TSPAN33: variants seen among roughly 807,000 people sequenced by gnomAD.
TSPAN33 encodes tetraspanin 33.
TSPAN33 carries 27 observed loss-of-function variants against 34.8 expected under a neutral mutation model. The observed-to-expected ratio is 0.78, with a 90% CI of 0.57 to 1.07. TSPAN33 has a LOEUF of 1.07. Among genes scored for constraint, TSPAN33 ranks in the 50% least tolerant of loss-of-function variants. The pLI is 0.00. For missense variants in TSPAN33, 272 were observed against 324.9 expected (o/e 0.84, Z 1.25); for synonymous variants, 119 against 124.2 (o/e 0.96, Z 0.28).
At chr7:129,159,294 C>T (rs143020118) in intron 1 of TSPAN33, among the ~76,000 whole-genome samples, 2,552 of 152,278 alleles carry the variant, frequency 0.017, 31 homozygotes, top group East Asian at 0.06. Flanking sequence ...CTCCTGACCT[C>T]GTGATCCACC....
chr7:129,144,725 G>A lies in TSPAN33; in HGVS notation c.-256G>A, dbSNP rs1234713658. 2.6e-5 allele frequency among the ~76,000 whole-genome samples: 4 copies of A among 151,778 alleles called. No homozygotes were observed. The highest frequency in any genetic ancestry group is 2.0e-4 in the Admixed American group (3 of 15,256). On this transcript the variant is annotated 5_prime_UTR_variant, in exon 1 of 8. Transcript: ENST00000486685. Reference sequence around the variant, plus strand: ...GGGTTTCCTGGGCGCCTGGCTGGCCGGGCTGGTCCTGCGGCCGCGGGTGAG... The same window carrying A: ...GGGTTTCCTGGGCGCCTGGCTGGCCAGGCTGGTCCTGCGGCCGCGGGTGAG...
At chr7:129,147,780 G>A (rs1173440660) in intron 1 of TSPAN33, among the ~76,000 whole-genome samples, 1 of 152,228 alleles carries the variant, frequency 6.6e-6, no homozygotes, top group Non-Finnish European at 1.5e-5. Flanking sequence ...GCTCTGAATA[G>A]TGGTGCTGGT....
intron 1 of TSPAN33, among the ~76,000 whole-genome samples, chr7:129,146,927 T>C (rs563833138): frequency 1.1e-3 from 174 of 152,252 alleles, no homozygotes; most frequent in Non-Finnish European, 2.0e-3. Context: ...CTGTTACACT[T>C]GTGTTCCTGG....
chr7:129,162,535 G>T lies in TSPAN33; in HGVS notation c.288+14G>T, dbSNP rs1474150482. The T allele has an allele frequency of 1.9e-6, 3 of 1,610,846 alleles. No homozygotes were observed. Among genetic ancestry groups the T allele is most frequent in the Non-Finnish European group, 2.5e-6 (3 of 1,179,986 alleles). The stretch of plus-strand genomic sequence containing the variant: ...CTCCTGCAGACGGTGAGTGGTCAAG[G>T]CCCCACTGGAAAGACCCTGGCCCTC... On this transcript the variant is annotated intron_variant, in intron 3 of 7. Transcript: ENST00000486685.
intron 1 of TSPAN33, among the ~76,000 whole-genome samples, chr7:129,160,581 G>A (rs1223863293): frequency 6.6e-6 from 1 of 152,240 alleles, no homozygotes; most frequent in Non-Finnish European, 1.5e-5. Context: ...GAGAAGCCAG[G>A]AAATTTGAAA....
chr7:129,150,458 T>C (rs976923503), intron 1 of TSPAN33, among the ~76,000 whole-genome samples: 3 of 152,144 alleles, frequency 2.0e-5, no homozygotes, highest in Admixed American at 2.0e-4. Context: ...CCATGATGGC[T>C]GATGTGAATA....
chr7:129,146,281 T>C (rs941098667), intron 1 of TSPAN33, among the ~76,000 whole-genome samples: 3 of 152,006 alleles, frequency 2.0e-5, no homozygotes, highest in African/African-American at 7.2e-5. Context: ...TTGGGACAAA[T>C]GAGAGAAATC....
At chr7:129,155,937 C>T (rs1043378595) in intron 1 of TSPAN33, among the ~76,000 whole-genome samples, 2 of 151,954 alleles carry the variant, frequency 1.3e-5, no homozygotes, top group African/African-American at 4.8e-5. Context: ...GTCTACGTTG[C>T]CTAGGCTGGT....
intron 1 of TSPAN33, among the ~76,000 whole-genome samples, chr7:129,151,126 GTTTA>G (rs1199863322): frequency 6.6e-6 from 1 of 152,002 alleles, no homozygotes; most frequent in African/African-American, 2.4e-5. Flanking sequence ...GTATTTATTT[GTTTA>G]TTTGTTTGTT....
rs1029798736 is a variant in TSPAN33 at position 129,169,585 on chromosome 7, T to TCTGCTCCTAGGAA, written c.*1712_*1724dup. On this transcript the variant is annotated 3_prime_UTR_variant, in exon 8 of 8. Coordinates refer to ENST00000486685, the MANE Select transcript of TSPAN33 (RefSeq NM_178562.5). ...CCCCCAGTGTCTCCTAAGCGAGCCT[T>TCTGCTCCTAGGAA]CTGCTCCTAGGAAGGCGCCTTTCCA... is the stretch of plus-strand genomic sequence containing the variant. 3.3e-5 allele frequency: 5 copies of TCTGCTCCTAGGAA among 152,210 alleles called. No homozygotes were observed. The highest frequency in any genetic ancestry group is 1.2e-4 in the African/African-American group (5 of 41,460). The allele number at this position is 152,210 out of a possible 1,614,324, so 9.4% of individuals were successfully genotyped here. A position where few individuals can be genotyped will look rare whatever the true frequency, so the allele number is the denominator to read the frequency against.
chr7:129,153,060 A>T (rs1810618607), intron 1 of TSPAN33, among the ~76,000 whole-genome samples: 2 of 2,768 alleles, frequency 7.2e-4, no homozygotes, highest in South Asian at 0.033. Flanking sequence ...ACTCCGTCTC[A>T]AAAAAAAAAA....
At chr7:129,164,440 C>T in intron 4 of TSPAN33, 34 bp from the exon 5 acceptor site, 5 of 1,588,978 alleles carry the variant, frequency 3.1e-6, no homozygotes, top group Non-Finnish European at 4.3e-6. Context: ...GGGATTAGTC[C>T]TGTGTTCTGA....
Position 129,166,793 on chromosome 7 carries a change from G to A in TSPAN33, c.475G>A (p.Gly159Arg), listed in dbSNP as rs1330526951. Residue 159 changes from glycine (G) to arginine (R), a missense_variant, in exon 6 of 8, where the codon GGG (glycine) becomes AGG (arginine). Coordinates refer to ENST00000486685, the MANE Select transcript of TSPAN33 (RefSeq NM_178562.5). ...FGQKKFSCCG[G>R]ISYKDWSQNM... Reference sequence around the variant, plus strand: ...TTTGTTGCAGTTTAGCTGCTGTGGAGGGATTTCCTACAAGGACTGGTCTCA... The same window carrying A: ...TTTGTTGCAGTTTAGCTGCTGTGGAAGGATTTCCTACAAGGACTGGTCTCA... The A allele has an allele frequency of 5.0e-6, 8 of 1,614,118 alleles. No homozygotes were observed. Among genetic ancestry groups the A allele is most frequent in the Non-Finnish European group, 6.8e-6 (8 of 1,180,006 alleles).
At chr7:129,162,084 G>A (rs1374256184) in intron 2 of TSPAN33, among the ~76,000 whole-genome samples, 1 of 152,240 alleles carries the variant, frequency 6.6e-6, no homozygotes, top group African/African-American at 2.4e-5. Context: ...AAGTCACCAG[G>A]AAACAGAATC....
chr7:129,167,035 T>C lies in TSPAN33; in HGVS notation c.588+129T>C. 1.7e-6 allele frequency: 2 copies of C among 1,149,828 alleles called. No homozygotes were observed. Among genetic ancestry groups the C allele is most frequent in the Non-Finnish European group, 1.2e-6 (1 of 809,130 alleles). 71.2% of individuals were successfully genotyped at this position (1,149,828 alleles called of 1,614,324 possible). ...AGTCATGTGGGACAGCTGTCAGGTG[T>C]TTTTCTTCACCCCAACCTGATGCTT... On this transcript the variant is annotated intron_variant, in intron 6 of 7. Transcript: ENST00000486685. The surrounding 1 kb of genome is among the most constrained non-coding windows in gnomAD (Gnocchi z 4.6).
chr7:129,145,118 G>A, intron 1 of TSPAN33, 36 bp downstream of exon 1: 2 of 658,048 alleles, frequency 3.0e-6, no homozygotes, highest in Non-Finnish European at 5.6e-6. Flanking sequence ...GGGCGGCGGG[G>A]TCCCCCCGCG....
intron 1 of TSPAN33, among the ~76,000 whole-genome samples, chr7:129,155,045 G>C (rs1810648457): frequency 6.6e-6 from 1 of 152,090 alleles, no homozygotes; most frequent in Non-Finnish European, 1.5e-5. Flanking sequence ...CAGAAAATAT[G>C]GTTCATATAC....
chr7:129,160,391 G>T (rs1188892536), intron 1 of TSPAN33, among the ~76,000 whole-genome samples: 1 of 152,098 alleles, frequency 6.6e-6, no homozygotes, highest in African/African-American at 2.4e-5. Context: ...GGCCCCATCT[G>T]TTGCCATGGC....
intron 1 of TSPAN33, among the ~76,000 whole-genome samples, chr7:129,146,155 T>G (rs1419100462): frequency 6.6e-6 from 1 of 151,774 alleles, no homozygotes; most frequent in Non-Finnish European, 1.5e-5. Context: ...AAGAATTGAG[T>G]CTAAAATATG....
Sources: allele counts gnomAD v4.1 joint callset (sites outside exome capture counted in the v4.1 genomes callset), GRCh38; gene constraint gnomAD v4.1.1; non-coding constraint Gnocchi (gnomAD v3.1); transcripts MANE v1.5; gene names NCBI Gene and HGNC (gene_info 2026-07-23, HGNC 2026-07-21).